Variants in ANXA10 observed in about 807,000 individuals in gnomAD.
ANXA10 encodes annexin 14.
Under a neutral mutation model 53.5 loss-of-function variants are expected in ANXA10, and 49 were observed. The ratio of observed to expected loss-of-function variants is 0.92; its 90% CI spans 0.73 to 1.16. The LOEUF is 1.16. Among genes scored for constraint, ANXA10 ranks in the 50% most tolerant of loss-of-function variants. The pLI is 0.00. For missense variants in ANXA10, 393 were observed against 394.4 expected (o/e 1.00, Z 0.03); for synonymous variants, 131 against 128.9 (o/e 1.02, Z -0.11).
At chr4:168,169,491 G>T (rs1239874848) in intron 6 of ANXA10, among the ~76,000 whole-genome samples, 1 of 152,126 alleles carries the variant, frequency 6.6e-6, no homozygotes, top group Non-Finnish European at 1.5e-5. Context: ...GCCAAATCCT[G>T]CTTCTGTTCC....
intron 1 of ANXA10, among the ~76,000 whole-genome samples, chr4:168,099,278 A>G (rs1299878200): frequency 6.6e-6 from 1 of 152,112 alleles, no homozygotes; most frequent in Non-Finnish European, 1.5e-5. Flanking sequence ...TCTTCTAGGC[A>G]TTCATTTAGT....
Position 168,119,238 on chromosome 4 carries a change from A to G in ANXA10, c.19-8846A>G, listed in dbSNP as rs559414364. ...ACTAATAGTGTCAGCCCATAAAACT[A>G]TCTCAGGAAATGAGGTGGAACCTCA... is the stretch of plus-strand genomic sequence containing the variant. On this transcript the variant is annotated intron_variant, in intron 1 of 11. Transcript: ENST00000359299. Among the ~76,000 whole-genome samples the G allele has an allele frequency of 6.6e-5, 10 of 152,328 alleles. No individual in the cohort carries two copies. In the South Asian group the frequency reaches 8.3e-4, roughly 13 times the overall value.
chr4:168,134,884 T>C (rs1176785882), intron 2 of ANXA10, among the ~76,000 whole-genome samples: 1 of 152,200 alleles, frequency 6.6e-6, no homozygotes, highest in African/African-American at 2.4e-5. Flanking sequence ...CTTGTTCTCA[T>C]TTGCTGGATA....
At chr4:168,161,643 T>A (rs532828962) in intron 3 of ANXA10, among the ~76,000 whole-genome samples, 1 of 152,322 alleles carries the variant, frequency 6.6e-6, no homozygotes, top group African/African-American at 2.4e-5. Flanking sequence ...AATCTATAAA[T>A]TACTTTGAAC....
chr4:168,182,923 T>G (rs1322545512), intron 10 of ANXA10, among the ~76,000 whole-genome samples: 2 of 142,372 alleles, frequency 1.4e-5, no homozygotes, highest in Non-Finnish European at 3.0e-5. Context: ...GGCAGGAGAA[T>G]GGCCTGAACC....
Position 168,098,702 on chromosome 4 carries a change from G to A in ANXA10, c.18+5984G>A, listed in dbSNP as rs551896030. ...CCTATTTTTCCTTGCCAGCATCACAGTCTTACACCACACAGTTATGAATAT... is the reference window on the plus strand; with the variant it reads ...CCTATTTTTCCTTGCCAGCATCACAATCTTACACCACACAGTTATGAATAT... On this transcript the variant is annotated intron_variant, in intron 1 of 11. Coordinates refer to ENST00000359299, the MANE Select transcript of ANXA10 (RefSeq NM_007193.5). Among the ~76,000 whole-genome samples the A allele has an allele frequency of 5.9e-5, 9 of 151,808 alleles. 1 individual carries two copies. In the East Asian group the frequency reaches 1.7e-3, roughly 29 times the overall value.
intron 1 of ANXA10, among the ~76,000 whole-genome samples, chr4:168,118,210 GA>G (rs149227278): frequency 0.039 from 5,943 of 151,808 alleles, 381 homozygotes; most frequent in African/African-American, 0.13. Flanking sequence ...AAACAAGGGG[GA>G]AAAAAATGGG....
At chr4:168,094,214 T>G (rs1463702130) in intron 1 of ANXA10, among the ~76,000 whole-genome samples, 1 of 152,174 alleles carries the variant, frequency 6.6e-6, no homozygotes, top group Non-Finnish European at 1.5e-5. Context: ...TAACAAGATT[T>G]TTTTTAAATG....
intron 2 of ANXA10, among the ~76,000 whole-genome samples, chr4:168,137,426 T>C (rs1731255352): frequency 6.6e-6 from 1 of 152,182 alleles, no homozygotes. Context: ...CCCTTGCCCC[T>C]CTTCCACCCT....
chr4:168,178,128 T>A (rs1415040025), intron 8 of ANXA10, 145 bp downstream of exon 8: 3 of 683,448 alleles, frequency 4.4e-6, no homozygotes, highest in African/African-American at 1.8e-5. Context: ...ATTTTGTTTA[T>A]AAGATGTGCC....
At chr4:168,116,989 T>TCACACACACACA (rs1236162593) in intron 1 of ANXA10, among the ~76,000 whole-genome samples, 3 of 18,882 alleles carry the variant, frequency 1.6e-4, no homozygotes, top group Admixed American at 1.2e-3. Flanking sequence ...AGCAAATTTT[T>TCACACACACACA]CACACAGACA....
At chr4:168,096,926 A>ATATATATATATATATATATATATATATG (rs371811709) in intron 1 of ANXA10, among the ~76,000 whole-genome samples, 86 of 129,858 alleles carry the variant, frequency 6.6e-4, no homozygotes, top group African/African-American at 1.7e-3. Flanking sequence ...ATATATATAT[A>ATATATATATATATATATATATATATATG]TATGTATGTA....
At chr4:168,119,025 C>T (rs1205937330) in intron 1 of ANXA10, among the ~76,000 whole-genome samples, 3 of 151,996 alleles carry the variant, frequency 2.0e-5, no homozygotes, top group African/African-American at 7.2e-5. Context: ...CATATCTATG[C>T]TTGTTTTTAT....
At position 168,128,096 on chromosome 4, in the gene ANXA10, A is replaced by G. The variant is rs947787726; in HGVS notation, c.31A>G (p.Ile11Val). Residue 11 changes from isoleucine to valine, a missense_variant, in exon 2 of 12, where the codon ATC (isoleucine) becomes GTC (valine). Coordinates refer to ENST00000359299, the MANE Select transcript of ANXA10 (RefSeq NM_007193.5). MFCGDYVQGT[I>V]FPAPNFNPIM... ...ATTTTCCCACCAGGTGCAAGGAACC[A>G]TCTTCCCAGCTCCCAATTTCAATCC... 1.2e-6 allele frequency: 2 copies of G among 1,613,402 alleles called. No individual in the cohort carries two copies. The highest frequency in any genetic ancestry group is 2.2e-5 in the East Asian group (1 of 44,874).
At chr4:168,175,771 A>G (rs1732115336) in intron 6 of ANXA10, among the ~76,000 whole-genome samples, 1 of 152,228 alleles carries the variant, frequency 6.6e-6, no homozygotes, top group Non-Finnish European at 1.5e-5. Flanking sequence ...ATTTCCCATC[A>G]GTTGTTCACC....
intron 4 of ANXA10, 112 bp from the exon 5 acceptor site, chr4:168,164,086 C>A: frequency 2.6e-6 from 2 of 773,252 alleles, no homozygotes; most frequent in South Asian, 2.0e-5. Context: ...CACTTCCTTT[C>A]CCTGCCACCT....
chr4:168,159,222 C>A (rs1313313040), intron 3 of ANXA10, among the ~76,000 whole-genome samples: 1 of 152,146 alleles, frequency 6.6e-6, no homozygotes, highest in Non-Finnish European at 1.5e-5. Context: ...TGCAAACCAA[C>A]CTTGCATTCC....
At chr4:168,120,806 A>C (rs1441324401) in intron 1 of ANXA10, among the ~76,000 whole-genome samples, 2 of 152,108 alleles carry the variant, frequency 1.3e-5, no homozygotes, top group Non-Finnish European at 2.9e-5. Flanking sequence ...CAATACTTAC[A>C]GTGCTTAAAG....
In ANXA10 at chr4:168,154,395, G is replaced by A. The variant is rs570540122; in HGVS notation, c.196-8133G>A. Among the ~76,000 whole-genome samples the A allele has an allele frequency of 2.0e-5, 3 of 152,246 alleles. No homozygotes were observed. The East Asian group carries it at 5.8e-4, about 29-fold the overall frequency. ...ATGCTGAATTTTGAAGAATTTGTGA[G>A]AAAGTCCATGTCCTGATAGACTTTT... On this transcript the variant is annotated intron_variant, in intron 3 of 11. Transcript: ENST00000359299.
Sources: allele counts gnomAD v4.1 joint callset (sites outside exome capture counted in the v4.1 genomes callset), GRCh38; gene constraint gnomAD v4.1.1; transcripts MANE v1.5; gene names NCBI Gene and HGNC (gene_info 2026-07-23, HGNC 2026-07-21).